Variants in SLC39A14 observed in about 807,000 individuals in gnomAD.
SLC39A14 encodes the protein solute carrier family 39 member 14.
In SLC39A14, 19 loss-of-function variants were observed where a neutral mutation model predicts 45.5. The ratio of observed to expected loss-of-function variants is 0.42; its 90% confidence interval spans 0.29 to 0.61. SLC39A14 has a LOEUF of 0.61. Among genes scored for constraint, SLC39A14 ranks in the 20% least tolerant of loss-of-function variants. SLC39A14 has a pLI of 0.22. For missense variants in SLC39A14, 447 were observed against 616.5 expected (o/e 0.73, Z 2.91); for synonymous variants, 264 against 251.3 (o/e 1.05, Z -0.48).
chr8:22,420,626 C>T lies in SLC39A14; in HGVS notation c.*928C>T, dbSNP rs997225870. The T allele has an allele frequency of 4.1e-6, 4 of 985,252 alleles. No individual in the cohort carries two copies. Among genetic ancestry groups the T allele is most frequent in the Middle Eastern group, 5.2e-4 (1 of 1,936 alleles). 61.0% of individuals were successfully genotyped at this position (985,252 alleles called of 1,614,324 possible). ...GGGGAGACTGCACAAACTATCCTCC[C>T]CCAGGTTGAGACGTCTGCAGAGTGG... On this transcript the variant is annotated 3_prime_UTR_variant, in exon 9 of 9. Transcript: ENST00000381237.
chr8:22,382,464 G>A (rs899377871), intron 1 of SLC39A14, among the ~76,000 whole-genome samples: 1 of 151,824 alleles, frequency 6.6e-6, no homozygotes, highest in Non-Finnish European at 1.5e-5. Context: ...CTTGAGTTTT[G>A]GAGTTCGAGA....
chr8:22,374,931 A>C (rs1192391184), intron 1 of SLC39A14, among the ~76,000 whole-genome samples: 1 of 151,900 alleles, frequency 6.6e-6, no homozygotes, highest in Non-Finnish European at 1.5e-5. Flanking sequence ...TTTTTAGTAG[A>C]GATGGGGTTC....
Position 22,380,535 on chromosome 8 carries a change from C to T in SLC39A14, c.-16+13127C>T, listed in dbSNP as rs367932860. The stretch of plus-strand genomic sequence containing the variant: ...CTCAGTGTTGCCACTGGGTTAGGGA[C>T]CCACGCACAGATGCAGTCGAAGACT... On this transcript the variant is annotated intron_variant, in intron 1 of 8. Transcript: ENST00000381237. Among the ~76,000 whole-genome samples, 12 of 152,264 alleles carry T rather than the reference C, an allele frequency of 7.9e-5. No individual in the cohort carries two copies. In the South Asian group the frequency reaches 1.2e-3, roughly 16 times the overall value.
chr8:22,426,546 G>T (rs866340835), downstream of SLC39A14, among the ~76,000 whole-genome samples: 8 of 152,134 alleles, frequency 5.3e-5, no homozygotes, highest in South Asian at 4.1e-4. Context: ...GAACACTGAG[G>T]TTCCCTAAGA....
At position 22,414,762 on chromosome 8, in the gene SLC39A14, CT is replaced by C; in HGVS notation, c.628-14del. ...CTTTATTTTCTTTAAAACTCATTTT[CT>C]TTTCCTGGGTCCACAGGCATTTGGT... On this transcript the variant is annotated splice_polypyrimidine_tract_variant and intron_variant, in intron 4 of 8. Transcript: ENST00000381237. 2 of 1,583,286 alleles carry C rather than the reference CT, an allele frequency of 1.3e-6. No individual in the cohort carries two copies. The highest frequency in any genetic ancestry group is 2.0e-5 in the Admixed American group (1 of 50,346).
intron 8 of SLC39A14, among the ~76,000 whole-genome samples, chr8:22,418,599 A>T (rs1836031519): frequency 6.6e-6 from 1 of 151,526 alleles, no homozygotes. Context: ...GTGTGTGATC[A>T]TAGGTCACTG....
At chr8:22,386,763 C>T (rs1833817275) in intron 1 of SLC39A14, among the ~76,000 whole-genome samples, 1 of 152,220 alleles carries the variant, frequency 6.6e-6, no homozygotes, top group Non-Finnish European at 1.5e-5. Context: ...ATCCACTTTG[C>T]AAGGAAGACT....
chr8:22,412,935 T>C (rs2132346349), intron 4 of SLC39A14, among the ~76,000 whole-genome samples: 1 of 152,242 alleles, frequency 6.6e-6, no homozygotes, highest in African/African-American at 2.4e-5. Context: ...TGAGACTCCG[T>C]CTCAAAACAA....
rs928761920 is a variant in SLC39A14 at position 22,420,395 on chromosome 8, G to C, written c.*697G>C. 1 of 985,360 alleles carries C rather than the reference G, an allele frequency of 1.0e-6. No homozygotes were observed. Among genetic ancestry groups the C allele is most frequent in the Non-Finnish European group, 1.2e-6 (1 of 829,976 alleles). 61.0% of individuals were successfully genotyped at this position (985,360 alleles called of 1,614,324 possible). On this transcript the variant is annotated 3_prime_UTR_variant, in exon 9 of 9. Coordinates refer to ENST00000381237, the MANE Select transcript of SLC39A14 (RefSeq NM_001128431.4). ...TAACAGCACCTGGTGTTTCACGGCT[G>C]TCCGAGTGAGCTAACGTGGCGGTGT... is the stretch of plus-strand genomic sequence containing the variant.
At position 22,393,298 on chromosome 8, in the gene SLC39A14, C is replaced by G. The variant is rs894018855; in HGVS notation, c.-15-11398C>G. 5 of 929,530 alleles carry G rather than the reference C, an allele frequency of 5.4e-6. No individual in the cohort carries two copies. In the African/African-American group the frequency reaches 8.9e-5, roughly 17 times the overall value. 57.6% of individuals were successfully genotyped at this position (929,530 alleles called of 1,614,324 possible). A position where few individuals can be genotyped will look rare whatever the true frequency, so the allele number is the denominator to read the frequency against. ...GGGGGAGAATGGGCCGATTAAGCCC[C>G]GGGGCAGGGCCAAGCGAGGGTTGGT... On this transcript the variant is annotated intron_variant, in intron 1 of 8. Transcript: ENST00000381237.
chr8:22,394,767 G>T (rs899761844), intron 1 of SLC39A14, among the ~76,000 whole-genome samples: 1 of 151,998 alleles, frequency 6.6e-6, no homozygotes, highest in Non-Finnish European at 1.5e-5. Flanking sequence ...CCTAGGAAGG[G>T]GACTATATTT....
Position 22,416,081 on chromosome 8 carries a change from GGCTTCCCAGAGTGCTT to G in SLC39A14, c.952_967del (p.Ser318ThrfsTer3). 6.2e-7 allele frequency: 1 copy of G among 1,614,104 alleles called. No homozygotes were observed. Among genetic ancestry groups the G allele is most frequent in the Non-Finnish European group, 8.5e-7 (1 of 1,180,010 alleles). On this transcript the variant is annotated frameshift_variant, in exon 7 of 9. Transcript: ENST00000381237. LOFTEE classifies it high-confidence loss of function. ...GGTGTGCTTTCTCCTAGGACCTGCA[GGCTTCCCAGAGTGCTT>G]GCTACTGGCTGAAAGGTGTCCGCTA... is the stretch of plus-strand genomic sequence containing the variant.
intron 1 of SLC39A14, among the ~76,000 whole-genome samples, chr8:22,371,933 C>T (rs551403565): frequency 6.6e-6 from 1 of 151,550 alleles, no homozygotes; most frequent in East Asian, 1.9e-4. Context: ...TTAGTAGAGA[C>T]GAGGTTTCAC....
At chr8:22,431,543 AGAG>A (rs1836467256) in intron 8 of SLC39A14, among the ~76,000 whole-genome samples, 1 of 152,230 alleles carries the variant, frequency 6.6e-6, no homozygotes, top group Non-Finnish European at 1.5e-5. Flanking sequence ...ATTATGTCTC[AGAG>A]GAGCTGGTCA....
chr8:22,384,422 C>G (rs1833671428), intron 1 of SLC39A14, among the ~76,000 whole-genome samples: 1 of 151,832 alleles, frequency 6.6e-6, no homozygotes, highest in East Asian at 1.9e-4. Flanking sequence ...TTTGTGTCCC[C>G]CACCCCACCT....
rs747005078 is a variant in SLC39A14, at chr8:22,408,422, G to A, written c.383G>A (p.Arg128Gln). 1.7e-5 allele frequency: 28 copies of A among 1,614,080 alleles called. No homozygotes were observed. Among genetic ancestry groups the A allele is most frequent in the African/African-American group, 6.7e-5 (5 of 74,932 alleles). The change falls in exon 3 of 9, where the codon CGG (arginine) becomes CAG (glutamine). Residue 128 changes from arginine to glutamine, a missense_variant. This residue lies in a region of SLC39A14 where 342 missense variants were observed against 428.1 expected (regional missense o/e 0.80). Transcript: ENST00000381237. ...CPTILQQLDS[R>Q]ACTSENQENE... is the part of the protein sequence containing the mutation. ...ACCATCCTCCAGCAGCTGGATTCCCGGGCCTGCACCTCGGAGAACCAGGAA... is the reference window on the plus strand; with the variant it reads ...ACCATCCTCCAGCAGCTGGATTCCCAGGCCTGCACCTCGGAGAACCAGGAA...
chr8:22,417,885 G>T, intron 8 of SLC39A14, 50 bp downstream of exon 8: 1 of 1,471,156 alleles, frequency 6.8e-7, no homozygotes, highest in Non-Finnish European at 9.2e-7. Flanking sequence ...GGGGATGGAT[G>T]TTAGGTAGGT....
intron 1 of SLC39A14, among the ~76,000 whole-genome samples, chr8:22,380,532 G>T (rs1474023819): frequency 6.6e-6 from 1 of 152,108 alleles, no homozygotes; most frequent in African/African-American, 2.4e-5. Context: ...ACTGGGTTAG[G>T]GACCCACGCA....
downstream of SLC39A14, among the ~76,000 whole-genome samples, chr8:22,425,892 T>TTTG (rs1471937301): frequency 2.6e-4 from 34 of 132,950 alleles, 1 homozygote; most frequent in East Asian, 5.6e-4. Flanking sequence ...GGTTTTTGTT[T>TTTG]TTTTTTTGTT....
Sources: allele counts gnomAD v4.1 joint callset (sites outside exome capture counted in the v4.1 genomes callset), GRCh38; gene constraint gnomAD v4.1.1; regional missense constraint gnomAD v4.1.1; transcripts MANE v1.5; gene names NCBI Gene and HGNC (gene_info 2026-07-23, HGNC 2026-07-21).